PCDH15: variants seen among roughly 807,000 people sequenced by gnomAD.
PCDH15 encodes the protein protocadherin-15.
Under a neutral mutation model 178.5 loss-of-function variants are expected in PCDH15, and 129 were observed. That is an observed-to-expected ratio of 0.72 (90% confidence interval 0.63 to 0.84). The LOEUF is 0.84. Among genes scored for constraint, PCDH15 ranks in the 40% least tolerant of loss-of-function variants. The pLI, the probability that PCDH15 is intolerant of heterozygous loss-of-function variation, is 0.00. For synonymous variants in PCDH15, 800 were observed against 732.0 expected, an observed-to-expected ratio of 1.09 and a Z score of -1.50; for missense variants, 2,230 against 2,099.9, an observed-to-expected ratio of 1.06 and a Z score of -1.21.
chr10:54,611,231 C>T (rs970068400), intron 2 of PCDH15, among the ~76,000 whole-genome samples: 1 of 151,588 alleles, frequency 6.6e-6, no homozygotes, highest in Non-Finnish European at 1.5e-5. Context: ...AGTCCCCTTG[C>T]AAAATTTAAC....
At chr10:55,558,245 C>T (rs557674931) in intron 2 of PCDH15, among the ~76,000 whole-genome samples, 15 of 152,262 alleles carry the variant, frequency 9.9e-5, no homozygotes, top group African/African-American at 3.6e-4. Context: ...CTGGACACCT[C>T]ACTTGGCACT....
intron 23 of PCDH15, among the ~76,000 whole-genome samples, chr10:53,944,540 T>C (rs1057020148): frequency 6.6e-6 from 1 of 152,220 alleles, no homozygotes; most frequent in African/African-American, 2.4e-5. Flanking sequence ...CATCACTAGC[T>C]CTCTTCCAAT....
intron 2 of PCDH15, among the ~76,000 whole-genome samples, chr10:55,100,195 T>G (rs368345488): frequency 2.6e-5 from 4 of 152,158 alleles, no homozygotes; most frequent in Non-Finnish European, 4.4e-5. Context: ...GAAAGTTTTA[T>G]GCAAAAGTAT....
At chr10:55,480,931 A>G (rs1043590009) in intron 2 of PCDH15, among the ~76,000 whole-genome samples, 3 of 151,540 alleles carry the variant, frequency 2.0e-5, no homozygotes, top group East Asian at 1.9e-4. Flanking sequence ...TTCTTAGTAC[A>G]CCTGGTAGAA....
intron 2 of PCDH15, among the ~76,000 whole-genome samples, chr10:54,551,465 A>G (rs1253777874): frequency 2.0e-5 from 3 of 152,232 alleles, no homozygotes; most frequent in African/African-American, 7.2e-5. Flanking sequence ...CATTAAAATA[A>G]AATAAACTTA....
At chr10:54,335,910 G>C (rs1246941837) in intron 6 of PCDH15, among the ~76,000 whole-genome samples, 4 of 152,152 alleles carry the variant, frequency 2.6e-5, no homozygotes, top group African/African-American at 9.7e-5. Flanking sequence ...GGAATGTTTG[G>C]AACTTCCTAG....
chr10:54,321,355 A>T (rs968201874), intron 7 of PCDH15, among the ~76,000 whole-genome samples: 2 of 150,170 alleles, frequency 1.3e-5, no homozygotes, highest in Non-Finnish European at 3.0e-5. Context: ...TTGCTTATGA[A>T]GTTTTAAAAG....
At chr10:54,068,606 A>G (rs530827984) in intron 17 of PCDH15, among the ~76,000 whole-genome samples, 130 of 152,314 alleles carry the variant, frequency 8.5e-4, no homozygotes, top group African/African-American at 2.8e-3. Flanking sequence ...TAAATAACAC[A>G]TACTATATGA....
chr10:54,456,762 A>G (rs2076851317), intron 3 of PCDH15, among the ~76,000 whole-genome samples: 1 of 152,100 alleles, frequency 6.6e-6, no homozygotes, highest in South Asian at 2.1e-4. Flanking sequence ...ATGTCATGGG[A>G]GGGACACAGT....
chr10:54,404,882 C>T (rs1409249488), intron 3 of PCDH15, among the ~76,000 whole-genome samples: 2 of 151,958 alleles, frequency 1.3e-5, no homozygotes, highest in East Asian at 1.9e-4. Flanking sequence ...GAGCAACAAG[C>T]GTATGGAAAA....
intron 25 of PCDH15, among the ~76,000 whole-genome samples, chr10:53,927,153 T>TGTGC (rs2084634783): frequency 6.6e-6 from 1 of 151,150 alleles, no homozygotes; most frequent in South Asian, 2.1e-4. Flanking sequence ...AATGCAAGTG[T>TGTGC]GTGTGTGTGT....
chr10:53,808,966 T>C (rs773569634), intron 37 of PCDH15: 25 of 1,558,708 alleles, frequency 1.6e-5, no homozygotes, highest in Non-Finnish European at 2.1e-5. Flanking sequence ...TTCTTCTGAG[T>C]GTTCTTCTTC....
chr10:53,828,451 C>T (rs762495773), intron 31 of PCDH15, 114 bp downstream of exon 31: 118 of 900,214 alleles, frequency 1.3e-4, no homozygotes, highest in South Asian at 3.4e-4. Context: ...CTATTACAAA[C>T]GCAAAACAAG....
chr10:55,246,636 A>G (rs1361681978), intron 1 of PCDH15, among the ~76,000 whole-genome samples: 1 of 152,188 alleles, frequency 6.6e-6, no homozygotes. Context: ...TCAAGGCAAC[A>G]AGGTACGCAA....
intron 2 of PCDH15, among the ~76,000 whole-genome samples, chr10:55,548,207 A>G (rs1318179315): frequency 8.7e-6 from 1 of 114,556 alleles, no homozygotes; most frequent in Non-Finnish European, 1.7e-5. Context: ...CTAAATGCCT[A>G]ATGCACACAC....
chr10:54,344,920 A>AAAAAAACAAAAAC (rs1942977129), intron 6 of PCDH15, among the ~76,000 whole-genome samples: 1 of 145,232 alleles, frequency 6.9e-6, no homozygotes, highest in Non-Finnish European at 1.5e-5. Flanking sequence ...AAAAAAAAAA[A>AAAAAAACAAAAAC]AAAAAACAAG....
intron 2 of PCDH15, among the ~76,000 whole-genome samples, chr10:55,622,155 A>ATATATATATTATATATATTATATATATC (rs111463922): frequency 1.4e-5 from 1 of 73,348 alleles, no homozygotes; most frequent in African/African-American, 5.1e-5. Flanking sequence ...ATATCTATAA[A>ATATATATATTATATATATTATATATATC]TATATATATT....
chr10:53,884,505 C>T (rs1435599757), intron 26 of PCDH15, among the ~76,000 whole-genome samples: 1 of 152,154 alleles, frequency 6.6e-6, no homozygotes, highest in African/African-American at 2.4e-5. Flanking sequence ...AAAAAACTGA[C>T]TGTACTGAGA....
chr10:55,392,861 C>A (rs1331193123), intron 2 of PCDH15, among the ~76,000 whole-genome samples: 1 of 152,036 alleles, frequency 6.6e-6, no homozygotes, highest in Non-Finnish European at 1.5e-5. Context: ...ACAAGTCAGA[C>A]ATACTCTAGT....
Sources: gnomAD v4.1 joint callset for allele counts (sites outside exome capture counted in the v4.1 genomes callset) on GRCh38, gnomAD v4.1.1 for gene constraint, MANE v1.5 for transcripts, NCBI Gene and HGNC (gene_info 2026-07-23, HGNC 2026-07-21) for gene names.